INO80D: variants seen among roughly 807,000 people sequenced by gnomAD.
The protein encoded by INO80D is INO80 complex subunit D.
Under a neutral mutation model 87.6 loss-of-function variants are expected in INO80D, and 21 were observed. That is an observed-to-expected ratio of 0.24 (90% CI 0.17 to 0.35). The LOEUF (loss-of-function observed/expected upper bound fraction) is 0.35. Ranked by LOEUF, INO80D falls within the 10% of genes least tolerant of loss-of-function variation. INO80D has a pLI of 1.00. For missense variants in INO80D, 982 were observed against 1,280.7 expected (o/e 0.77, Z 3.56); for synonymous variants, 440 against 491.0 (o/e 0.90, Z 1.37).
intron 5 of INO80D, among the ~76,000 whole-genome samples, chr2:206,034,791 A>T (rs981016557): frequency 6.6e-6 from 1 of 152,204 alleles, no homozygotes; most frequent in Non-Finnish European, 1.5e-5. Context: ...ATCAGTAAAG[A>T]GGAAGTCAAA....
chr2:206,062,091 T>C lies in INO80D; in HGVS notation c.218+708A>G, dbSNP rs187723970. Among the ~76,000 whole-genome samples the C allele has an allele frequency of 4.6e-3, 698 of 152,312 alleles. 3 individuals are homozygous for C. The highest frequency in any genetic ancestry group is 8.5e-3 in the Non-Finnish European group (577 of 68,002). On this transcript the variant is annotated intron_variant, in intron 3 of 10. Coordinates refer to ENST00000403263, the MANE Select transcript of INO80D (RefSeq NM_017759.5). The surrounding 1 kb of genome is among the most constrained non-coding windows in gnomAD (Gnocchi z 4.6). ...ACTCCTTTAAAAACAATTCCACTCTTTTCTAAATTTAGCGAAGCATAAACT... is the reference window on the plus strand; with the variant it reads ...ACTCCTTTAAAAACAATTCCACTCTCTTCTAAATTTAGCGAAGCATAAACT...
intron 6 of INO80D, among the ~76,000 whole-genome samples, chr2:206,020,702 A>G (rs1688439742): frequency 6.6e-6 from 1 of 152,204 alleles, no homozygotes; most frequent in African/African-American, 2.4e-5. Context: ...GATCCATAAA[A>G]AAATGAAAGA....
chr2:206,048,102 G>A (rs1302509575), intron 4 of INO80D, among the ~76,000 whole-genome samples: 4 of 151,960 alleles, frequency 2.6e-5, no homozygotes, highest in South Asian at 2.1e-4. Context: ...TGATCCACCC[G>A]CCTTGGCCTC....
rs1372199922 is a variant in INO80D, at chr2:206,001,610, C to T, written c.*2758G>A. The stretch of plus-strand genomic sequence containing the variant: ...ATACATATTAATAGCAAAGTTCCTA[C>T]TAATAGACGAGAATGGCTCTATTAA... On this transcript the variant is annotated 3_prime_UTR_variant, in exon 11 of 11. Coordinates refer to ENST00000403263, the MANE Select transcript of INO80D (RefSeq NM_017759.5). 6.6e-6 allele frequency: 1 copy of T among 152,174 alleles called. No individual in the cohort carries two copies. Among genetic ancestry groups the T allele is most frequent in the African/African-American group, 2.4e-5 (1 of 41,458 alleles). The allele number at this position is 152,174 out of a possible 1,614,324, so 9.4% of individuals were successfully genotyped here.
At chr2:206,055,550 A>C (rs1036582741) in intron 4 of INO80D, among the ~76,000 whole-genome samples, 2 of 152,258 alleles carry the variant, frequency 1.3e-5, no homozygotes, top group Non-Finnish European at 2.9e-5. Context: ...CTAGATGCAC[A>C]GGTGTTAAAC....
At chr2:206,078,193 G>A (rs1690175623) in intron 1 of INO80D, among the ~76,000 whole-genome samples, 1 of 151,896 alleles carries the variant, frequency 6.6e-6, no homozygotes, top group Admixed American at 6.6e-5. Context: ...CGAGGCAGGT[G>A]CATCACCTGA....
intron 6 of INO80D, 37 bp from the exon 7 acceptor site, chr2:206,019,882 A>C: frequency 6.6e-7 from 1 of 1,504,518 alleles, no homozygotes. Context: ...TTTTTTTTTA[A>C]TGCTTTAAGA....
Position 206,005,418 on chromosome 2 carries a change from A to G in INO80D, c.2034T>C (p.Asp678=). The change falls in exon 11 of 11, where the codon GAT becomes GAC. Residue 678 remains aspartate, a synonymous_variant. Coordinates refer to ENST00000403263, the MANE Select transcript of INO80D (RefSeq NM_017759.5). ...LSTIGVLAQS[D]GVPVQELSDR... is the part of the protein sequence containing the mutation. ...CTGACAACTCCTGGACTGGCACACCATCTGACTGGGCAAGGACCCCAATGG... is the reference window on the plus strand; with the variant it reads ...CTGACAACTCCTGGACTGGCACACCGTCTGACTGGGCAAGGACCCCAATGG... The G allele has an allele frequency of 6.2e-7, 1 of 1,613,954 alleles. No homozygotes were observed. Among genetic ancestry groups the G allele is most frequent in the Non-Finnish European group, 8.5e-7 (1 of 1,179,888 alleles).
At chr2:206,058,564 ATCTC>A (rs1689596001) in intron 3 of INO80D, among the ~76,000 whole-genome samples, 1 of 151,454 alleles carries the variant, frequency 6.6e-6, no homozygotes, top group South Asian at 2.1e-4. Flanking sequence ...GTGAAACCCC[ATCTC>A]TACTAAAAAT....
intron 10 of INO80D, 75 bp downstream of exon 10, chr2:206,007,209 A>G (rs1688050081): frequency 7.6e-7 from 1 of 1,315,984 alleles, no homozygotes; most frequent in African/African-American, 1.5e-5. Context: ...TGATAAACAC[A>G]TCTCAAAACA....
chr2:206,080,930 AT>A (rs1690265065), intron 1 of INO80D, among the ~76,000 whole-genome samples: 2 of 148,880 alleles, frequency 1.3e-5, no homozygotes, highest in East Asian at 2.0e-4. Flanking sequence ...AAAAAAAAGA[AT>A]ATTAAAAATC....
intron 3 of INO80D, among the ~76,000 whole-genome samples, chr2:206,061,568 C>T (rs949752642): frequency 6.6e-6 from 1 of 152,194 alleles, no homozygotes; most frequent in Non-Finnish European, 1.5e-5. Context: ...CCTTTCTCAC[C>T]TGAGATTAAA....
In INO80D at chr2:206,047,880, T is replaced by C. The variant is rs1363885231; in HGVS notation, c.965-1268A>G. On this transcript the variant is annotated intron_variant, in intron 4 of 10. Transcript: ENST00000403263. ...AATTTTTTTTTTTTGAGACGGAGTC[T>C]CGCTCTGTCGCCCAGGCTGGAGTGC... 1.6e-4 allele frequency among the ~76,000 whole-genome samples: 18 copies of C among 114,562 alleles called. No individual in the cohort carries two copies. In the East Asian group the frequency reaches 4.5e-3, roughly 29 times the overall value. The allele number at this position is 114,562 out of a possible 152,430, so 75.2% of individuals were successfully genotyped here. A position where few individuals can be genotyped will look rare whatever the true frequency, so the allele number is the denominator to read the frequency against.
intron 1 of INO80D, among the ~76,000 whole-genome samples, chr2:206,072,007 A>C (rs113500343): frequency 6.6e-6 from 1 of 152,018 alleles, no homozygotes; most frequent in African/African-American, 2.4e-5. Flanking sequence ...CTTCCTACAA[A>C]ACTGGTAGGA....
At position 206,085,349 on chromosome 2, in the gene INO80D, G is replaced by A. The variant is rs1677107674; in HGVS notation, c.-124+552C>T. ...TCTGGGGGCCGTCTGCGAGAGACCCGGGGGAAGGGGAGCCGGGCGCCCATT... is the reference window on the plus strand; with the variant it reads ...TCTGGGGGCCGTCTGCGAGAGACCCAGGGGAAGGGGAGCCGGGCGCCCATT... On this transcript the variant is annotated intron_variant, in intron 1 of 10. Transcript: ENST00000403263. The surrounding 1 kb of genome is among the most constrained non-coding windows in gnomAD (Gnocchi z 4.5). Among the ~76,000 whole-genome samples, 2 of 151,830 alleles carry A rather than the reference G, an allele frequency of 1.3e-5. No individual in the cohort carries two copies. The highest frequency in any genetic ancestry group is 6.6e-5 in the Admixed American group (1 of 15,264).
At chr2:206,043,649 A>C (rs1312612383) in intron 5 of INO80D, among the ~76,000 whole-genome samples, 1 of 151,996 alleles carries the variant, frequency 6.6e-6, no homozygotes, top group Non-Finnish European at 1.5e-5. Context: ...CACCAGGCCC[A>C]GCTAATTTTT....
intron 5 of INO80D, among the ~76,000 whole-genome samples, chr2:206,039,188 G>A (rs539946774): frequency 2.0e-5 from 3 of 152,054 alleles, no homozygotes; most frequent in East Asian, 3.9e-4. Context: ...ACCTGAGGTC[G>A]GGAGTTCAAG....
chr2:206,057,230 A>G (rs1338517077), intron 3 of INO80D, among the ~76,000 whole-genome samples: 2 of 152,198 alleles, frequency 1.3e-5, no homozygotes, highest in Admixed American at 6.5e-5. Flanking sequence ...TGCTTCTCAC[A>G]TGGCTTTGTT....
chr2:206,071,257 CTTTTTTTTTTTTTTTTTTTTTTTTTTT>C lies in INO80D; in HGVS notation c.-123-8040_-123-8014del, dbSNP rs60979396. Among the ~76,000 whole-genome samples the C allele has an allele frequency of 1.5e-4, 12 of 82,012 alleles. 2 individuals carry two copies. The highest frequency in any genetic ancestry group is 2.0e-4 in the Non-Finnish European group (9 of 44,216). 53.8% of individuals were successfully genotyped at this position (82,012 alleles called of 152,430 possible). A position where few individuals can be genotyped will look rare whatever the true frequency, so the allele number is the denominator to read the frequency against. On this transcript the variant is annotated intron_variant, in intron 1 of 10. Coordinates refer to ENST00000403263, the MANE Select transcript of INO80D (RefSeq NM_017759.5). ...TACAGGCATAAGCACCACGCCCGGC[CTTTTTTTTTTTTTTTTTTTTTTTTTTT>C]TTTTTTTTTTTTTTTTTTTTTTTTT...
Sources: gnomAD v4.1 joint callset for allele counts (sites outside exome capture counted in the v4.1 genomes callset) on GRCh38, gnomAD v4.1.1 for gene constraint, Gnocchi (gnomAD v3.1) non-coding constraint, MANE v1.5 for transcripts, NCBI Gene and HGNC (gene_info 2026-07-23, HGNC 2026-07-21) for gene names.